The following CEP112 variants were observed in gnomAD, a reference collection of about 807,000 sequenced individuals.
CEP112 encodes the protein centrosomal protein 112, also known as centrosomal protein of 112 kDa.
In CEP112, 127 loss-of-function variants were observed where a neutral mutation model predicts 153.0. The ratio of observed to expected loss-of-function variants is 0.83; its 90% CI spans 0.72 to 0.96. CEP112 has a LOEUF of 0.96. Ranked by LOEUF, CEP112 falls within the 40% of genes least tolerant of loss-of-function variation. The pLI is 0.00. For synonymous variants in CEP112, 358 were observed against 374.4 expected, an observed-to-expected ratio of 0.96 and a Z score of 0.51; for missense variants, 1,089 against 1,101.2, an observed-to-expected ratio of 0.99 and a Z score of 0.16.
chr17:65,775,142 A>G (rs1416532829), intron 21 of CEP112, among the ~76,000 whole-genome samples: 1 of 152,038 alleles, frequency 6.6e-6, no homozygotes, highest in Non-Finnish European at 1.5e-5. Context: ...TGGTCAACAT[A>G]GGGGAGAGGA....
At chr17:65,688,808 C>T (rs2047945899) in intron 24 of CEP112, 5 of 187,904 alleles carry the variant, frequency 2.7e-5, no homozygotes, top group African/African-American at 4.7e-5. Flanking sequence ...GTTCTTGTCA[C>T]CCAGGCTGGA....
chr17:66,154,694 G>A (rs1404986071), intron 4 of CEP112, among the ~76,000 whole-genome samples: 1 of 151,410 alleles, frequency 6.6e-6, no homozygotes, highest in Non-Finnish European at 1.5e-5. Flanking sequence ...ACATAGATGA[G>A]TACTCTCTGA....
chr17:66,006,606 A>C (rs1301036152), intron 16 of CEP112, among the ~76,000 whole-genome samples: 2 of 139,576 alleles, frequency 1.4e-5, no homozygotes, highest in African/African-American at 5.0e-5. Context: ...ACTCCATCTC[A>C]AAAAAAAAAA....
rs758542187 is a variant in CEP112 at position 66,066,816 on chromosome 17, T to C, written c.917A>G (p.His306Arg). The C allele has an allele frequency of 2.2e-5, 34 of 1,556,702 alleles. No individual in the cohort carries two copies. In the South Asian group the frequency reaches 3.9e-4, roughly 18 times the overall value. Residue 306 changes from histidine to arginine, a missense_variant, in exon 10 of 27, where the codon CAT becomes CGT. Coordinates refer to ENST00000535342, the MANE Select transcript of CEP112 (RefSeq NM_001199165.4). ...ELKTLYRSKQ[H>R]ETEETIRKLE... Reference sequence around the variant, plus strand: ...CTTTCTAATAGTCTCTTCAGTTTCATGTTGTTTACTCCTGTATAAAGTTTT... The same window carrying C: ...CTTTCTAATAGTCTCTTCAGTTTCACGTTGTTTACTCCTGTATAAAGTTTT...
chr17:65,817,699 T>C (rs1641332896), intron 21 of CEP112, among the ~76,000 whole-genome samples: 1 of 151,920 alleles, frequency 6.6e-6, no homozygotes, highest in Admixed American at 6.6e-5. Flanking sequence ...CAAAGTGCTG[T>C]CTAATTCCTT....
intron 17 of CEP112, among the ~76,000 whole-genome samples, chr17:65,969,611 G>A (rs1211435699): frequency 2.0e-5 from 3 of 151,354 alleles, no homozygotes; most frequent in Non-Finnish European, 4.4e-5. Context: ...AATATTACAT[G>A]TGTGCCGCAT....
At chr17:65,977,634 A>T (rs181654197) in intron 17 of CEP112, among the ~76,000 whole-genome samples, 2 of 152,256 alleles carry the variant, frequency 1.3e-5, no homozygotes, top group African/African-American at 4.8e-5. Flanking sequence ...AGATTCCCCA[A>T]TGTGGGGTTA....
intron 21 of CEP112, among the ~76,000 whole-genome samples, chr17:65,832,597 A>T (rs971191343): frequency 2.0e-5 from 3 of 152,054 alleles, no homozygotes; most frequent in African/African-American, 7.3e-5. Flanking sequence ...AAACTAGAAC[A>T]CCTAGAAGAG....
intron 6 of CEP112, among the ~76,000 whole-genome samples, chr17:66,109,834 A>C (rs2068944135): frequency 6.6e-6 from 1 of 152,198 alleles, no homozygotes. Context: ...TGATGAAAAA[A>C]ATCAAGGTGG....
At chr17:65,815,591 G>A (rs2056220758) in intron 21 of CEP112, among the ~76,000 whole-genome samples, 1 of 152,016 alleles carries the variant, frequency 6.6e-6, no homozygotes, top group Non-Finnish European at 1.5e-5. Flanking sequence ...GATCAATCTG[G>A]GAGAAATGAC....
At chr17:65,644,412 C>G (rs759060354) in intron 24 of CEP112, 4 of 527,082 alleles carry the variant, frequency 7.6e-6, no homozygotes, top group Non-Finnish European at 1.4e-5. Context: ...TGAACTCGGA[C>G]CTCAAGGCTT....
intron 16 of CEP112, among the ~76,000 whole-genome samples, chr17:66,007,382 T>C (rs1324060086): frequency 6.6e-6 from 1 of 152,182 alleles, no homozygotes; most frequent in Non-Finnish European, 1.5e-5. Flanking sequence ...TACATTTATT[T>C]TATCTTACAT....
Position 65,685,667 on chromosome 17 carries a change from A to ATTT in CEP112, c.2697+3459_2697+3461dup, listed in dbSNP as rs556118592. ...AAAAGTGTCTGTGACAATAGTTCTA[A>ATTT]TTTTTTTTTTTTTTTTTTTTTTTGA... On this transcript the variant is annotated intron_variant, in intron 24 of 26. Coordinates refer to ENST00000535342, the MANE Select transcript of CEP112 (RefSeq NM_001199165.4). 6.1e-3 allele frequency among the ~76,000 whole-genome samples: 639 copies of ATTT among 105,226 alleles called. 5 individuals are homozygous for ATTT. Among genetic ancestry groups the ATTT allele is most frequent in the African/African-American group, 8.5e-3 (224 of 26,384 alleles). 69.0% of individuals were successfully genotyped at this position (105,226 alleles called of 152,430 possible).
chr17:65,777,294 A>T (rs2053735374), intron 21 of CEP112, among the ~76,000 whole-genome samples: 1 of 152,184 alleles, frequency 6.6e-6, no homozygotes, highest in Non-Finnish European at 1.5e-5. Flanking sequence ...TGTGACCTGA[A>T]TGTGAGAGAA....
chr17:66,088,592 T>C (rs2068026618), intron 8 of CEP112, among the ~76,000 whole-genome samples: 1 of 151,844 alleles, frequency 6.6e-6, no homozygotes, highest in Non-Finnish European at 1.5e-5. Context: ...CACAACCCCA[T>C]GCTTTAGACC....
At chr17:66,029,558 G>A (rs765837693) in intron 13 of CEP112, among the ~76,000 whole-genome samples, 7 of 151,856 alleles carry the variant, frequency 4.6e-5, no homozygotes, top group Non-Finnish European at 7.4e-5. Flanking sequence ...AGAAAAATTA[G>A]CCAGGCATGG....
At chr17:65,784,377 T>G (rs898774313) in intron 21 of CEP112, among the ~76,000 whole-genome samples, 1 of 152,248 alleles carries the variant, frequency 6.6e-6, no homozygotes, top group Non-Finnish European at 1.5e-5. Context: ...TTACTCTTTC[T>G]TATTCATCTT....
chr17:65,830,588 A>T (rs2146110339), intron 21 of CEP112, among the ~76,000 whole-genome samples: 1 of 152,318 alleles, frequency 6.6e-6, no homozygotes, highest in Middle Eastern at 3.4e-3. Flanking sequence ...CTGTACTTCA[A>T]TCAGTGAGGA....
chr17:66,136,393 T>C (rs186292865), intron 4 of CEP112, among the ~76,000 whole-genome samples: 38 of 152,130 alleles, frequency 2.5e-4, no homozygotes, highest in African/African-American at 8.4e-4. Context: ...CTCACAGGAC[T>C]GGTATTCTCT....
Sources: allele counts gnomAD v4.1 joint callset (sites outside exome capture counted in the v4.1 genomes callset), GRCh38; gene constraint gnomAD v4.1.1; transcripts MANE v1.5; gene names NCBI Gene and HGNC (gene_info 2026-07-23, HGNC 2026-07-21).